C14orf132: variants seen among roughly 807,000 people sequenced by gnomAD.
C14orf132 encodes chromosome 14 open reading frame 132, also known as uncharacterized protein C14orf132.
A neutral mutation model predicts 5.8 loss-of-function variants in C14orf132; 6 were observed. The observed-to-expected ratio is 1.03, with a 90% CI of 0.57 to 2.04. The LOEUF (loss-of-function observed/expected upper bound fraction) is 2.04, where lower values mean the gene tolerates loss of function less well. C14orf132 is among the 30% of genes most tolerant of loss of function. The pLI is 0.00. For missense variants in C14orf132, 125 were observed against 115.8 expected (o/e 1.08, Z -0.37); for synonymous variants, 51 against 49.8 (o/e 1.02, Z -0.10).
chr14:96,084,322 G>A (rs978118054), intron 1 of C14orf132, among the ~76,000 whole-genome samples: 8 of 142,588 alleles, frequency 5.6e-5, no homozygotes, highest in African/African-American at 1.0e-4. Flanking sequence ...TGCAGCCCCC[G>A]TCATGCCCAA....
Position 96,043,444 on chromosome 14 carries a change from C to T in C14orf132, c.27+3917C>T, listed in dbSNP as rs563148398. Among the ~76,000 whole-genome samples, 29 of 152,264 alleles carry T rather than the reference C, an allele frequency of 1.9e-4. No individual in the cohort carries two copies. The South Asian group carries it at 5.6e-3, about 29-fold the overall frequency. On this transcript the variant is annotated intron_variant, in intron 1 of 1. Coordinates refer to ENST00000555004, the MANE Select transcript of C14orf132 (RefSeq NM_001252507.3). ...GTAACTCTCCTGTTAAAGCATGCCT[C>T]GGGTCTAAAAGCTCAACCTTCTTTT...
At chr14:96,052,898 C>A (rs765798530) in intron 1 of C14orf132, among the ~76,000 whole-genome samples, 2 of 152,194 alleles carry the variant, frequency 1.3e-5, no homozygotes, top group African/African-American at 2.4e-5. Flanking sequence ...CAGGGTAAGA[C>A]GCCGGCTCAA....
At chr14:96,085,667 T>G (rs1399953606) in intron 1 of C14orf132, among the ~76,000 whole-genome samples, 1 of 152,240 alleles carries the variant, frequency 6.6e-6, no homozygotes, top group East Asian at 1.9e-4. Flanking sequence ...GTATACAGTG[T>G]TCATACTCAT....
In C14orf132 at chr14:96,086,796, G is replaced by A. The variant is rs986495659; in HGVS notation, c.*61G>A. 55 of 1,475,492 alleles carry A rather than the reference G, an allele frequency of 3.7e-5. No individual in the cohort carries two copies. The highest frequency in any genetic ancestry group is 2.8e-4 in the African/African-American group (20 of 71,760). 91.4% of individuals were successfully genotyped at this position (1,475,492 alleles called of 1,614,324 possible). A position where few individuals can be genotyped will look rare whatever the true frequency, so the allele number is the denominator to read the frequency against. The stretch of plus-strand genomic sequence containing the variant: ...TGGCACGTAGCTCTGACTTGCTGTC[G>A]GCCTTTGGCTTCTCCTGTGTTCTAG... On this transcript the variant is annotated 3_prime_UTR_variant, in exon 2 of 2. Transcript: ENST00000555004.
Position 96,047,614 on chromosome 14 carries a change from T to C in C14orf132, c.27+8087T>C, listed in dbSNP as rs116735170. ...CTCACTGAATCCTTGCAATGGCCCC[T>C]TGGAATAGGCACATTCAGATCCATT... On this transcript the variant is annotated intron_variant, in intron 1 of 1. Coordinates refer to ENST00000555004, the MANE Select transcript of C14orf132 (RefSeq NM_001252507.3). Among the ~76,000 whole-genome samples the C allele has an allele frequency of 7.9e-3, 1,203 of 152,286 alleles. 10 individuals carry two copies. The highest frequency in any genetic ancestry group is 0.028 in the African/African-American group (1,143 of 41,544).
intron 1 of C14orf132, among the ~76,000 whole-genome samples, chr14:96,054,222 C>T (rs1887114272): frequency 6.6e-6 from 1 of 152,188 alleles, no homozygotes; most frequent in Admixed American, 6.5e-5. Context: ...ACAGGAGGCT[C>T]ACCACCTCAC....
At chr14:96,061,386 A>G (rs923372948) in intron 1 of C14orf132, among the ~76,000 whole-genome samples, 4 of 152,138 alleles carry the variant, frequency 2.6e-5, no homozygotes, top group African/African-American at 7.2e-5. Context: ...GCCATTGGGC[A>G]TGTATTCGCA....
intron 1 of C14orf132, among the ~76,000 whole-genome samples, chr14:96,082,965 C>T (rs1336425179): frequency 6.6e-6 from 1 of 152,136 alleles, no homozygotes; most frequent in Non-Finnish European, 1.5e-5. Flanking sequence ...AGGATTCAGC[C>T]CCAAGCCTTT....
chr14:96,052,762 A>G lies in C14orf132; in HGVS notation c.27+13235A>G, dbSNP rs975567563. Among the ~76,000 whole-genome samples the G allele has an allele frequency of 1.8e-4, 27 of 151,940 alleles. 1 individual carries two copies. The highest frequency in any genetic ancestry group is 5.9e-4 in the Admixed American group (9 of 15,262). On this transcript the variant is annotated intron_variant, in intron 1 of 1. Coordinates refer to ENST00000555004, the MANE Select transcript of C14orf132 (RefSeq NM_001252507.3). ...GCGCCCCTCTCTTGTCCCCCTGCAA[A>G]CTGTCTGCTGCATGCTGGGCCCAGC...
At chr14:96,063,098 G>A (rs543062477) in intron 1 of C14orf132, among the ~76,000 whole-genome samples, 2 of 152,074 alleles carry the variant, frequency 1.3e-5, no homozygotes, top group Non-Finnish European at 2.9e-5. Flanking sequence ...GGCAGGGATC[G>A]TCATATCTGT....
chr14:96,058,027 A>G (rs1277013455), intron 1 of C14orf132, among the ~76,000 whole-genome samples: 2 of 152,192 alleles, frequency 1.3e-5, no homozygotes, highest in African/African-American at 2.4e-5. Context: ...ACAGAGCAGC[A>G]CAGCTAAGCC....
At chr14:96,066,722 T>G (rs1395249030) in intron 1 of C14orf132, among the ~76,000 whole-genome samples, 1 of 152,190 alleles carries the variant, frequency 6.6e-6, no homozygotes, top group Admixed American at 6.5e-5. Context: ...CACAGTTAAC[T>G]ATAATGTAAT....
chr14:96,067,879 G>T (rs1566830438), intron 1 of C14orf132, among the ~76,000 whole-genome samples: 1 of 152,034 alleles, frequency 6.6e-6, no homozygotes, highest in Non-Finnish European at 1.5e-5. Flanking sequence ...ACTTATAGGG[G>T]TTCCAGAGAG....
chr14:96,052,629 G>A (rs903063694), intron 1 of C14orf132, among the ~76,000 whole-genome samples: 26 of 152,130 alleles, frequency 1.7e-4, no homozygotes, highest in African/African-American at 2.7e-4. Flanking sequence ...ATCAGCTTGC[G>A]GGGCACCTCC....
chr14:96,063,248 T>A (rs1327156136), intron 1 of C14orf132, among the ~76,000 whole-genome samples: 1 of 152,126 alleles, frequency 6.6e-6, no homozygotes, highest in Non-Finnish European at 1.5e-5. Flanking sequence ...AGGTTCCGTA[T>A]AAGAACTGAC....
chr14:96,059,953 C>T (rs1887298504), intron 1 of C14orf132, among the ~76,000 whole-genome samples: 1 of 152,208 alleles, frequency 6.6e-6, no homozygotes, highest in Non-Finnish European at 1.5e-5. Flanking sequence ...TCTTGGTGCC[C>T]ACACCAGTCA....
Position 96,086,813 on chromosome 14 carries a change from G to C in C14orf132, c.*78G>C. The C allele has an allele frequency of 7.1e-7, 1 of 1,407,336 alleles. No homozygotes were observed. Among genetic ancestry groups the C allele is most frequent in the Admixed American group, 2.0e-5 (1 of 49,196 alleles). The allele number at this position is 1,407,336 out of a possible 1,614,324, so 87.2% of individuals were successfully genotyped here. On this transcript the variant is annotated 3_prime_UTR_variant, in exon 2 of 2. Coordinates refer to ENST00000555004, the MANE Select transcript of C14orf132 (RefSeq NM_001252507.3). Reference sequence around the variant, plus strand: ...TTGCTGTCGGCCTTTGGCTTCTCCTGTGTTCTAGAACCAGGAGTTTTGACC... The same window carrying C: ...TTGCTGTCGGCCTTTGGCTTCTCCTCTGTTCTAGAACCAGGAGTTTTGACC...
chr14:96,041,230 T>A (rs1886687002), intron 1 of C14orf132, among the ~76,000 whole-genome samples: 1 of 152,244 alleles, frequency 6.6e-6, no homozygotes, highest in South Asian at 2.1e-4. Context: ...CTAAGGTTTG[T>A]TGAGCACCTA....
rs923100756 is a variant in C14orf132, at chr14:96,039,632, G to A, written c.27+105G>A. ...GGGCTGGGCAGTGGCGCCCGCCCGC[G>A]ATCCGCGTCCCGGTCCTTTGTCCCG... On this transcript the variant is annotated intron_variant, in intron 1 of 1. Transcript: ENST00000555004. The surrounding 1 kb of genome is among the most constrained non-coding windows in gnomAD (Gnocchi z 5.3). 1 of 1,183,278 alleles carries A rather than the reference G, an allele frequency of 8.5e-7. No homozygotes were observed. Among genetic ancestry groups the A allele is most frequent in the Non-Finnish European group, 1.1e-6 (1 of 895,614 alleles). 73.3% of individuals were successfully genotyped at this position (1,183,278 alleles called of 1,614,324 possible).
Sources: allele counts gnomAD v4.1 joint callset (sites outside exome capture counted in the v4.1 genomes callset), GRCh38; gene constraint gnomAD v4.1.1; non-coding constraint Gnocchi (gnomAD v3.1); transcripts MANE v1.5; gene names NCBI Gene and HGNC (gene_info 2026-07-23, HGNC 2026-07-21).